Variants in CMIP observed in about 807,000 individuals in gnomAD.
CMIP encodes c-Maf inducing protein.
Under a neutral mutation model 97.3 loss-of-function variants are expected in CMIP, and 13 were observed. That is an observed-to-expected ratio of 0.13 (90% CI 0.09 to 0.21). The LOEUF (loss-of-function observed/expected upper bound fraction) is 0.21. Among genes scored for constraint, CMIP ranks in the 10% least tolerant of loss-of-function variants. CMIP has a pLI of 1.00. For missense variants in CMIP, 847 were observed against 1,024.9 expected (o/e 0.83, Z 2.37); for synonymous variants, 538 against 436.3 (o/e 1.23, Z -2.91).
chr16:81,449,669 T>TC (rs11288143), intron 1 of CMIP, among the ~76,000 whole-genome samples: 15,544 of 144,684 alleles, frequency 0.11, 2,099 homozygotes, highest in African/African-American at 0.33. Context: ...CACACAGATT[T>TC]CCCCCCCCCC....
intron 1 of CMIP, among the ~76,000 whole-genome samples, chr16:81,601,230 C>T (rs2091651617): frequency 2.0e-5 from 3 of 152,206 alleles, no homozygotes; most frequent in Admixed American, 2.0e-4. Context: ...GGTCCGGGAG[C>T]TCCTCCCTTC....
In CMIP at chr16:81,543,215, G is replaced by A. The variant is rs574509306; in HGVS notation, c.301-64352G>A. On this transcript the variant is annotated intron_variant, in intron 1 of 20. Transcript: ENST00000537098. ...GGGCTGGGTCTGACTTTGGGAATCT[G>A]AAGACTGTGTGGTTCTGAGATGGCA... 2.0e-5 allele frequency among the ~76,000 whole-genome samples: 3 copies of A among 152,342 alleles called. No homozygotes were observed. In the South Asian group the frequency reaches 6.2e-4, roughly 32 times the overall value.
chr16:81,481,920 C>T (rs180970850), intron 1 of CMIP, among the ~76,000 whole-genome samples: 2 of 151,162 alleles, frequency 1.3e-5, no homozygotes, highest in African/African-American at 2.4e-5. Flanking sequence ...ACTCTGTCAC[C>T]CAGGCTGGAG....
In CMIP at chr16:81,445,424, G is replaced by A. The variant is rs749297336; in HGVS notation, c.183G>A (p.Gln61=). The change falls in exon 1 of 21, where the codon CAG becomes CAA. Residue 61 remains glutamine (Q), a synonymous_variant. Transcript: ENST00000537098. ...RYKLLQEGDI[Q]VCVIRHPRTF... Reference sequence around the variant, plus strand: ...AACTGCTGCAGGAGGGCGACATTCAGGTCTGTGTCATCCGGCACCCGCGGA... The same window carrying A: ...AACTGCTGCAGGAGGGCGACATTCAAGTCTGTGTCATCCGGCACCCGCGGA... 10 of 1,597,958 alleles carry A rather than the reference G, an allele frequency of 6.3e-6. No homozygotes were observed. The South Asian group carries it at 1.1e-4, about 18-fold the overall frequency.
Position 81,693,425 on chromosome 16 carries a change from C to T in CMIP, c.1482-14C>T, listed in dbSNP as rs1316639758. On this transcript the variant is annotated splice_polypyrimidine_tract_variant and intron_variant, in intron 12 of 20. Transcript: ENST00000537098. ...AGACCCCGGCAGTAACTCCGGCCGC[C>T]TCGTCTCTTCCAGGGAACTGAAGTA... 3 of 1,609,814 alleles carry T rather than the reference C, an allele frequency of 1.9e-6. No homozygotes were observed. Among genetic ancestry groups the T allele is most frequent in the South Asian group, 1.1e-5 (1 of 90,310 alleles).
intron 10 of CMIP, among the ~76,000 whole-genome samples, chr16:81,683,680 G>T (rs1431178116): frequency 6.7e-6 from 1 of 149,850 alleles, no homozygotes; most frequent in African/African-American, 2.5e-5. Context: ...ACTGTGCCCA[G>T]CCTGTTTTGT....
intron 1 of CMIP, among the ~76,000 whole-genome samples, chr16:81,526,233 A>G (rs1338979692): frequency 6.6e-6 from 1 of 152,216 alleles, no homozygotes; most frequent in Non-Finnish European, 1.5e-5. Context: ...GGAATTCTCA[A>G]CCTTGGGTCC....
chr16:81,559,658 G>A (rs73596448), intron 1 of CMIP, among the ~76,000 whole-genome samples: 8,133 of 152,232 alleles, frequency 0.053, 744 homozygotes, highest in African/African-American at 0.19. Context: ...TAAACCTCTC[G>A]CACTGCCAGT....
intron 1 of CMIP, among the ~76,000 whole-genome samples, chr16:81,523,346 C>T (rs1050705852): frequency 7.2e-5 from 11 of 152,218 alleles, no homozygotes; most frequent in Admixed American, 2.6e-4. Context: ...ACTGTGGAGT[C>T]ACTCCCTGTT....
chr16:81,506,109 A>C (rs921391598), intron 1 of CMIP, among the ~76,000 whole-genome samples: 3 of 152,232 alleles, frequency 2.0e-5, no homozygotes, highest in African/African-American at 7.2e-5. Context: ...ATCCTCCTGC[A>C]ACCCTAACAG....
At chr16:81,463,250 C>T (rs188388649) in intron 1 of CMIP, among the ~76,000 whole-genome samples, 7 of 152,276 alleles carry the variant, frequency 4.6e-5, no homozygotes, top group African/African-American at 1.7e-4. Flanking sequence ...CTTTGTTTCT[C>T]CCCAGGTTGG....
At position 81,627,417 on chromosome 16, in the gene CMIP, G is replaced by A. The variant is rs978843726; in HGVS notation, c.477+6491G>A. On this transcript the variant is annotated intron_variant, in intron 3 of 20. Coordinates refer to ENST00000537098, the MANE Select transcript of CMIP (RefSeq NM_198390.3). This position sits in a 1 kb window ranked among gnomAD's most constrained non-coding sequence, Gnocchi z 4.6. ...AAGGGATCCTGGTAGGAGCCCACGCGTGGGAGCCTCTCATGCGCCATCATC... is the reference window on the plus strand; with the variant it reads ...AAGGGATCCTGGTAGGAGCCCACGCATGGGAGCCTCTCATGCGCCATCATC... 6.6e-6 allele frequency among the ~76,000 whole-genome samples: 1 copy of A among 152,052 alleles called. No homozygotes were observed. The highest frequency in any genetic ancestry group is 1.5e-5 in the Non-Finnish European group (1 of 67,968).
At chr16:81,666,186 T>A (rs1020862024) in intron 7 of CMIP, 2 of 152,168 alleles carry the variant, frequency 1.3e-5, no homozygotes, top group African/African-American at 4.8e-5. Context: ...TTTGTTAACT[T>A]TAAAATCACT....
At chr16:81,473,331 G>C (rs1198576405) in intron 1 of CMIP, among the ~76,000 whole-genome samples, 1 of 152,236 alleles carries the variant, frequency 6.6e-6, no homozygotes, top group Non-Finnish European at 1.5e-5. Context: ...GTCAGCAGGG[G>C]CCGCTCTGTA....
chr16:81,495,802 G>T (rs1316824205), intron 1 of CMIP, among the ~76,000 whole-genome samples: 4 of 152,336 alleles, frequency 2.6e-5, no homozygotes, highest in African/African-American at 9.6e-5. Context: ...TGGGGCATCT[G>T]CTGGCCTCCC....
intron 1 of CMIP, among the ~76,000 whole-genome samples, chr16:81,554,272 C>T (rs1012331175): frequency 6.6e-6 from 1 of 152,184 alleles, no homozygotes; most frequent in African/African-American, 2.4e-5. Context: ...AGAGAAAATG[C>T]TCTCCTCTTC....
Position 81,667,799 on chromosome 16 carries a change from A to AGAGAGAGAGAGTGT in CMIP, c.826-2342_826-2341insAGAGAGAGAGTGTG. ...GAGAGAGAGAGAGAGAGAGAGAGAG[A>AGAGAGAGAGAGTGT]GTGTGTGTGTGTGTGTGTGTGTGTG... On this transcript the variant is annotated intron_variant, in intron 7 of 20. Coordinates refer to ENST00000537098, the MANE Select transcript of CMIP (RefSeq NM_198390.3). 2.5e-3 allele frequency among the ~76,000 whole-genome samples: 144 copies of AGAGAGAGAGAGTGT among 58,120 alleles called. 1 individual carries two copies. The highest frequency in any genetic ancestry group is 3.7e-3 in the Non-Finnish European group (117 of 31,276). 38.1% of individuals were successfully genotyped at this position (58,120 alleles called of 152,430 possible).
intron 1 of CMIP, among the ~76,000 whole-genome samples, chr16:81,529,222 A>G (rs942218128): frequency 1.0e-3 from 158 of 152,360 alleles, no homozygotes; most frequent in African/African-American, 3.6e-3. Flanking sequence ...GGAGGTCACA[A>G]TGCTATTGCT....
chr16:81,575,126 G>A (rs2091166591), intron 1 of CMIP, among the ~76,000 whole-genome samples: 2 of 152,160 alleles, frequency 1.3e-5, no homozygotes, highest in Non-Finnish European at 2.9e-5. Flanking sequence ...CCAGCCATAT[G>A]CTAAATGCAT....
Sources: allele counts gnomAD v4.1 joint callset (sites outside exome capture counted in the v4.1 genomes callset), GRCh38; gene constraint gnomAD v4.1.1; non-coding constraint Gnocchi (gnomAD v3.1); transcripts MANE v1.5; gene names NCBI Gene and HGNC (gene_info 2026-07-23, HGNC 2026-07-21).